Variants in PTPRD observed in about 807,000 individuals in gnomAD.
The protein encoded by PTPRD is receptor-type tyrosine-protein phosphatase delta.
PTPRD carries 34 observed loss-of-function variants against 214.5 expected under a neutral mutation model. That is an observed-to-expected ratio of 0.16 (90% CI 0.12 to 0.21). The LOEUF (loss-of-function observed/expected upper bound fraction) is 0.21, where lower values mean the gene tolerates loss of function less well. Ranked by LOEUF, PTPRD falls within the 10% of genes least tolerant of loss-of-function variation. The pLI is 1.00. For synonymous variants in PTPRD, 1,128 were observed against 845.7 expected, an observed-to-expected ratio of 1.33 and a Z score of -5.79; for missense variants, 2,545 against 2,398.7, an observed-to-expected ratio of 1.06 and a Z score of -1.27.
intron 3 of PTPRD, among the ~76,000 whole-genome samples, chr9:10,311,847 T>C (rs562160066): frequency 2.0e-5 from 3 of 152,030 alleles, no homozygotes; most frequent in African/African-American, 7.2e-5. Context: ...TGACATAAAA[T>C]GCTTTTTCAG....
At chr9:10,554,258 A>G (rs1321042437) in intron 2 of PTPRD, among the ~76,000 whole-genome samples, 6 of 152,180 alleles carry the variant, frequency 3.9e-5, no homozygotes, top group South Asian at 2.1e-4. Context: ...TTTTTCCCCA[A>G]TGGATTTTAC....
At position 8,636,680 on chromosome 9, in the gene PTPRD, A is replaced by T; in HGVS notation, c.210+19T>A. The T allele has an allele frequency of 6.2e-7, 1 of 1,612,194 alleles. No homozygotes were observed. Among genetic ancestry groups the T allele is most frequent in the Non-Finnish European group, 8.5e-7 (1 of 1,178,406 alleles). ...AGATACATTCTTCCCCCAGAGAAAC[A>T]GAACAATGGACCTAATACCTCAAAT... is the stretch of plus-strand genomic sequence containing the variant. On this transcript the variant is annotated intron_variant, in intron 13 of 45. Transcript: ENST00000381196.
chr9:9,156,834 G>A (rs555030411), intron 10 of PTPRD, among the ~76,000 whole-genome samples: 2 of 152,284 alleles, frequency 1.3e-5, no homozygotes, highest in South Asian at 2.1e-4. Flanking sequence ...TGGCTGGTAA[G>A]TGTTACTCAT....
chr9:10,529,239 A>T (rs2055317948), intron 2 of PTPRD, among the ~76,000 whole-genome samples: 1 of 152,158 alleles, frequency 6.6e-6, no homozygotes, highest in Non-Finnish European at 1.5e-5. Flanking sequence ...AAAGGATTAT[A>T]AATCATTCTA....
intron 6 of PTPRD, among the ~76,000 whole-genome samples, chr9:9,749,240 T>A (rs2154463452): frequency 6.6e-6 from 1 of 152,316 alleles, no homozygotes; most frequent in South Asian, 2.1e-4. Flanking sequence ...GAGGGCCAAC[T>A]CTGCCCTGTT....
chr9:8,863,711 G>T lies in PTPRD; in HGVS notation c.-103-129765C>A, dbSNP rs112496150. Among the ~76,000 whole-genome samples the T allele has an allele frequency of 2.0e-3, 306 of 152,208 alleles. 4 individuals are homozygous for T. The highest frequency in any genetic ancestry group is 7.0e-3 in the African/African-American group (289 of 41,536). ...AAAACTATTGCTAACATAAATGGGTGCATTGTTAGTTATATGAGGTATAAA... is the reference window on the plus strand; with the variant it reads ...AAAACTATTGCTAACATAAATGGGTTCATTGTTAGTTATATGAGGTATAAA... On this transcript the variant is annotated intron_variant, in intron 11 of 45. Transcript: ENST00000381196.
chr9:8,474,138 TG>T (rs1297158741), intron 30 of PTPRD, among the ~76,000 whole-genome samples: 2 of 152,162 alleles, frequency 1.3e-5, no homozygotes, highest in African/African-American at 2.4e-5. Flanking sequence ...GTTTCTTTCC[TG>T]GCTTCCCATC....
intron 3 of PTPRD, among the ~76,000 whole-genome samples, chr9:10,326,091 A>G (rs1186834201): frequency 6.6e-6 from 1 of 151,906 alleles, no homozygotes; most frequent in East Asian, 1.9e-4. Flanking sequence ...ATATAAATAT[A>G]TTCACTTCTG....
chr9:8,709,134 C>T (rs533927361), intron 12 of PTPRD, among the ~76,000 whole-genome samples: 59 of 152,008 alleles, frequency 3.9e-4, no homozygotes, highest in Non-Finnish European at 5.7e-4. Flanking sequence ...GGTCAAAGGA[C>T]GCAAAATTTT....
intron 11 of PTPRD, among the ~76,000 whole-genome samples, chr9:8,808,993 T>C (rs2154521917): frequency 6.6e-6 from 1 of 152,270 alleles, no homozygotes; most frequent in South Asian, 2.1e-4. Flanking sequence ...GTAGCCACTA[T>C]TCATAGAACA....
At chr9:9,484,459 T>G (rs1482576640) in intron 8 of PTPRD, among the ~76,000 whole-genome samples, 1 of 152,170 alleles carries the variant, frequency 6.6e-6, no homozygotes, top group Admixed American at 6.6e-5. Flanking sequence ...CTACTATATC[T>G]TGATCTGGAG....
intron 10 of PTPRD, among the ~76,000 whole-genome samples, chr9:9,027,208 C>T (rs182482126): frequency 7.2e-5 from 11 of 151,774 alleles, no homozygotes; most frequent in African/African-American, 2.2e-4. Flanking sequence ...CCAAATGTAA[C>T]GATAAACCAA....
chr9:10,579,967 G>A (rs1451694473), intron 2 of PTPRD, among the ~76,000 whole-genome samples: 2 of 151,948 alleles, frequency 1.3e-5, no homozygotes, highest in Non-Finnish European at 2.9e-5. Flanking sequence ...TTTTTTGCGT[G>A]TTGAATTGTT....
chr9:10,023,449 C>CCCT, intron 4 of PTPRD, among the ~76,000 whole-genome samples: 1 of 152,128 alleles, frequency 6.6e-6, no homozygotes, highest in East Asian at 1.9e-4. Flanking sequence ...ATGATTTCTT[C>CCCT]CACGTACTTG....
chr9:9,415,776 A>C (rs997264728), intron 8 of PTPRD, among the ~76,000 whole-genome samples: 17 of 152,200 alleles, frequency 1.1e-4, no homozygotes, highest in African/African-American at 4.1e-4. Flanking sequence ...TGAGTATTTC[A>C]GTAGTGGAAG....
chr9:8,761,239 A>C (rs2154476242), intron 11 of PTPRD, among the ~76,000 whole-genome samples: 1 of 152,362 alleles, frequency 6.6e-6, no homozygotes, highest in Non-Finnish European at 1.5e-5. Context: ...TTATCAAGTA[A>C]GGTGGGGACA....
At chr9:10,469,351 C>G (rs1198697002) in intron 2 of PTPRD, among the ~76,000 whole-genome samples, 1 of 150,170 alleles carries the variant, frequency 6.7e-6, no homozygotes, top group Non-Finnish European at 1.5e-5. Flanking sequence ...AAAAATTGAA[C>G]AAAATAATTG....
intron 2 of PTPRD, among the ~76,000 whole-genome samples, chr9:10,514,990 G>A (rs1172073940): frequency 6.6e-6 from 1 of 151,892 alleles, no homozygotes; most frequent in Non-Finnish European, 1.5e-5. Flanking sequence ...ATTGTTTTCT[G>A]AAGAGGAAAA....
chr9:9,647,751 A>T (rs1258384210), intron 7 of PTPRD, among the ~76,000 whole-genome samples: 1 of 152,158 alleles, frequency 6.6e-6, no homozygotes, highest in Non-Finnish European at 1.5e-5. Flanking sequence ...TCTTGGCTTT[A>T]TGTAGGGCAC....
Sources: allele counts gnomAD v4.1 joint callset (sites outside exome capture counted in the v4.1 genomes callset), GRCh38; gene constraint gnomAD v4.1.1; transcripts MANE v1.5; gene names NCBI Gene and HGNC (gene_info 2026-07-23, HGNC 2026-07-21).